RFT1: variants seen among roughly 807,000 people sequenced by gnomAD.
The protein encoded by RFT1 is RFT1 glycolipid translocator homolog.
A neutral mutation model predicts 62.2 loss-of-function variants in RFT1; 43 were observed. That is an observed-to-expected ratio of 0.69 (90% CI 0.54 to 0.89). RFT1 has a LOEUF of 0.89. Among genes scored for constraint, RFT1 ranks in the 40% least tolerant of loss-of-function variants. The pLI is 0.00. For synonymous variants in RFT1, 262 were observed against 264.6 expected, an observed-to-expected ratio of 0.99 and a Z score of 0.10; for missense variants, 605 against 649.9, an observed-to-expected ratio of 0.93 and a Z score of 0.75.
At chr3:53,110,934 C>T (rs1575493662) in intron 7 of RFT1, among the ~76,000 whole-genome samples, 2 of 152,268 alleles carry the variant, frequency 1.3e-5, no homozygotes, top group East Asian at 3.9e-4. Context: ...ACTAAATGTG[C>T]TTCCAGCCCC....
chr3:53,082,916 C>A, the RFT1 span, among the ~76,000 whole-genome samples: 2 of 152,126 alleles, frequency 1.3e-5, no homozygotes, highest in Non-Finnish European at 2.9e-5. Context: ...AGACACAGGG[C>A]CGGGCATGGC....
At chr3:53,072,396 G>A in the RFT1 span, among the ~76,000 whole-genome samples, 1 of 152,150 alleles carries the variant, frequency 6.6e-6, no homozygotes, top group African/African-American at 2.4e-5. Context: ...TGACCCCCCA[G>A]GGCTGCTGGG....
downstream of RFT1, among the ~76,000 whole-genome samples, chr3:53,087,090 T>C (rs1700870515): frequency 6.6e-6 from 1 of 152,008 alleles, no homozygotes. Context: ...ATACAAAAAT[T>C]AGCCAGGTGT....
rs538081865 is a variant in RFT1 at position 53,106,522 on chromosome 3, A to C, written c.826+297T>G. Among the ~76,000 whole-genome samples the C allele has an allele frequency of 4.3e-4, 66 of 152,322 alleles. No homozygotes were observed. The South Asian group carries it at 0.013, about 31-fold the overall frequency. ...CTATCTAGCCACACAAACATGGGGC[A>C]GATTTTTGTGGCTGTGACAGTGAGC... On this transcript the variant is annotated intron_variant, in intron 8 of 12. Transcript: ENST00000296292.
At chr3:53,082,430 G>A in the RFT1 span, among the ~76,000 whole-genome samples, 6 of 152,162 alleles carry the variant, frequency 3.9e-5, no homozygotes, top group African/African-American at 7.2e-5. Context: ...AGCTGAGATC[G>A]TGCCACTGCA....
chr3:53,079,968 G>A, the RFT1 span, among the ~76,000 whole-genome samples: 1 of 152,314 alleles, frequency 6.6e-6, no homozygotes, highest in South Asian at 2.1e-4. Flanking sequence ...GTGGGCCACC[G>A]TGGCCCGGGC....
chr3:53,084,304 GTGTTACCTTT>G (rs1237993890), downstream of RFT1, among the ~76,000 whole-genome samples: 2 of 152,206 alleles, frequency 1.3e-5, no homozygotes, highest in Non-Finnish European at 2.9e-5. Context: ...CATTCCCCTG[GTGTTACCTTT>G]TGTGATTTTC....
intron 6 of RFT1, among the ~76,000 whole-genome samples, chr3:53,115,968 C>G (rs1257579929): frequency 6.6e-6 from 1 of 152,232 alleles, no homozygotes; most frequent in Admixed American, 6.5e-5. Context: ...CTTGCTGAGT[C>G]AAATTCCTCA....
rs377516481 is a variant in RFT1, at chr3:53,092,373, G to A, written c.1454C>T (p.Ser485Leu). The A allele has an allele frequency of 1.6e-5, 26 of 1,599,568 alleles. No individual in the cohort carries two copies. The highest frequency in any genetic ancestry group is 1.1e-4 in the Admixed American group (6 of 56,948). Residue 485 changes from serine to leucine, a missense_variant, in exon 12 of 13, where the codon TCG becomes TTG. Coordinates refer to ENST00000296292, the MANE Select transcript of RFT1 (RefSeq NM_052859.4). ...TGATGGCTCAGGGAGTCTCACCTCC[G>A]AAACAGCAGTAACCCCACCACTGAG... ...FALSGGVTAV[S>L]EVFLCCEQGW...
chr3:53,077,664 A>T, the RFT1 span: 1 of 152,248 alleles, frequency 6.6e-6, no homozygotes, highest in Non-Finnish European at 1.5e-5. Flanking sequence ...CACCCAGAGG[A>T]ATTGCTTCTT....
intron 2 of RFT1, among the ~76,000 whole-genome samples, chr3:53,124,326 G>A (rs983073760): frequency 2.6e-5 from 4 of 152,190 alleles, no homozygotes; most frequent in Non-Finnish European, 5.9e-5. Context: ...TCAGCAAGGC[G>A]TGCCTGGGTA....
intron 7 of RFT1, among the ~76,000 whole-genome samples, chr3:53,110,740 G>C (rs528619275): frequency 6.6e-6 from 1 of 151,322 alleles, no homozygotes; most frequent in African/African-American, 2.4e-5. Flanking sequence ...TTTTCTAACG[G>C]GACTATATTT....
At chr3:53,073,681 T>G in the RFT1 span, among the ~76,000 whole-genome samples, 1 of 152,308 alleles carries the variant, frequency 6.6e-6, no homozygotes, top group East Asian at 1.9e-4. Context: ...GTGAAAAGGA[T>G]GAGCTTGCCT....
At chr3:53,100,184 CA>C (rs576201230) in intron 10 of RFT1, among the ~76,000 whole-genome samples, 2 of 152,292 alleles carry the variant, frequency 1.3e-5, no homozygotes, top group African/African-American at 4.8e-5. Context: ...AGACCTTTAA[CA>C]AAAGCCAGGG....
At chr3:53,074,103 G>C in the RFT1 span, among the ~76,000 whole-genome samples, 1 of 152,286 alleles carries the variant, frequency 6.6e-6, no homozygotes, top group East Asian at 1.9e-4. Context: ...AGGGGATCAG[G>C]TGATCAGGGC....
At chr3:53,099,050 G>A (rs1362772123) in intron 11 of RFT1, among the ~76,000 whole-genome samples, 1 of 152,148 alleles carries the variant, frequency 6.6e-6, no homozygotes, top group Non-Finnish European at 1.5e-5. Flanking sequence ...CTCTTCTGGG[G>A]TGAGCAAGGA....
chr3:53,081,153 A>C, the RFT1 span, among the ~76,000 whole-genome samples: 1 of 152,238 alleles, frequency 6.6e-6, no homozygotes, highest in Non-Finnish European at 1.5e-5. Flanking sequence ...CATAAGAACC[A>C]GCCCAAATGA....
downstream of RFT1, among the ~76,000 whole-genome samples, chr3:53,084,415 C>T (rs1700816013): frequency 6.6e-6 from 1 of 152,248 alleles, no homozygotes; most frequent in African/African-American, 2.4e-5. Flanking sequence ...CAGGCTCCCC[C>T]TGCTCTCCCA....
the RFT1 span, among the ~76,000 whole-genome samples, chr3:53,075,864 T>G: frequency 6.6e-6 from 1 of 152,166 alleles, no homozygotes; most frequent in African/African-American, 2.4e-5. Flanking sequence ...CCATCTGTGA[T>G]GAGCAGGGTG....
Sources: gnomAD v4.1 joint callset for allele counts (sites outside exome capture counted in the v4.1 genomes callset) on GRCh38, gnomAD v4.1.1 for gene constraint, MANE v1.5 for transcripts, NCBI Gene and HGNC (gene_info 2026-07-23, HGNC 2026-07-21) for gene names.